PFKP: variants seen among roughly 807,000 people sequenced by gnomAD.
PFKP encodes phosphofructokinase, platelet, also known as ATP-dependent 6-phosphofructokinase, platelet type.
In PFKP, 101 loss-of-function variants were observed where a neutral mutation model predicts 94.3. That is an observed-to-expected ratio of 1.07 (90% CI 0.91 to 1.26). The LOEUF is 1.26. PFKP is among the 50% of genes most tolerant of loss of function. The pLI, the probability that PFKP is intolerant of heterozygous loss-of-function variation, is 0.00. For missense variants in PFKP, 1,145 were observed against 1,103.3 expected, an observed-to-expected ratio of 1.04 and a Z score of -0.53; for synonymous variants, 573 against 432.6, an observed-to-expected ratio of 1.32 and a Z score of -4.03.
At position 3,134,739 on chromosome 10, in the gene PFKP, T is replaced by C. The variant is rs570948490; in HGVS notation, c.2122+157T>C. On this transcript the variant is annotated intron_variant, in intron 20 of 21. Transcript: ENST00000381125. ...TTTACTCCTGATCTCTGAGTGTTGC[T>C]ATTTAACCAACCTTGGATTCCTGGG... 2.0e-5 allele frequency among the ~76,000 whole-genome samples: 3 copies of C among 152,388 alleles called. No homozygotes were observed. The East Asian group carries it at 5.8e-4, about 29-fold the overall frequency.
intron 5 of PFKP, 63 bp downstream of exon 5, chr10:3,104,007 T>C (rs913079665): frequency 4.4e-5 from 65 of 1,492,760 alleles, no homozygotes; most frequent in Non-Finnish European, 5.7e-5. Context: ...AGCTCAGACG[T>C]TACCACGGGC....
Position 3,105,483 on chromosome 10 carries a change from G to T in PFKP, c.756G>T (p.Met252Ile). The change falls in exon 7 of 22, where the codon ATG becomes ATT. Residue 252 changes from methionine (M) to isoleucine (I), a missense_variant. Met to Ile is a conservative substitution (Grantham distance 10). This residue lies in a region of PFKP where 1,119 missense variants were observed against 1,062.8 expected (regional missense o/e 1.05). Transcript: ENST00000381125. ...SPPEEGWEEQ[M>I]CVKLSENRAR... ...CAGAGGAAGGCTGGGAGGAGCAGAT[G>T]TGTGTCAAACTCTCGGAGGTAATGC... The T allele has an allele frequency of 5.0e-6, 8 of 1,613,372 alleles. No individual in the cohort carries two copies. The highest frequency in any genetic ancestry group is 6.8e-6 in the Non-Finnish European group (8 of 1,179,352).
chr10:3,103,906 C>T lies in PFKP; in HGVS notation c.582C>T (p.Ile194=), dbSNP rs376665273. 1.2e-6 allele frequency: 2 copies of T among 1,613,760 alleles called. No homozygotes were observed. Among genetic ancestry groups the T allele is most frequent in the African/African-American group, 2.7e-5 (2 of 74,948 alleles). The change falls in exon 5 of 22, where the codon ATC becomes ATT. Residue 194 remains isoleucine (I), a synonymous_variant. Coordinates refer to ENST00000381125, the MANE Select transcript of PFKP (RefSeq NM_002627.5). ...TIGTDSALHR[I]IEVVDAIMTT... is the part of the protein sequence containing the mutation. The stretch of plus-strand genomic sequence containing the variant: ...GCACGGACTCCGCCCTGCACAGGAT[C>T]ATCGAGGTCGTCGACGCCATCATGA...
Position 3,121,813 on chromosome 10 carries a change from TTTTTTTTTTTTTTTTTTC to T in PFKP, c.1683+1777_1683+1794del, listed in dbSNP as rs1258215112. Among the ~76,000 whole-genome samples, 49 of 95,710 alleles carry T rather than the reference TTTTTTTTTTTTTTTTTTC, an allele frequency of 5.1e-4. 1 individual carries two copies. Among genetic ancestry groups the T allele is most frequent in the Admixed American group, 1.4e-3 (12 of 8,286 alleles). 62.8% of individuals were successfully genotyped at this position (95,710 alleles called of 152,430 possible). On this transcript the variant is annotated intron_variant, in intron 16 of 21. Transcript: ENST00000381125. ...AATTTCTTTTTTTTTCTTTTTTTTTTTTTTTTTTTTTTTTTTTCTTTTTTTGGAGACAGGGCCTCACTC... is the reference window on the plus strand; with the variant it reads ...AATTTCTTTTTTTTTCTTTTTTTTTTTTTTTTTGGAGACAGGGCCTCACTC...
chr10:3,093,431 T>G (rs939724660), intron 2 of PFKP, among the ~76,000 whole-genome samples: 15 of 152,158 alleles, frequency 9.9e-5, no homozygotes, highest in African/African-American at 3.6e-4. Context: ...GTTTCTTACG[T>G]GTAGCTGTTC....
chr10:3,133,323 G>A lies in PFKP; in HGVS notation c.2022+9G>A, dbSNP rs374121824. The A allele has an allele frequency of 6.2e-5, 96 of 1,539,078 alleles. No individual in the cohort carries two copies. Among genetic ancestry groups the A allele is most frequent in the African/African-American group, 4.1e-5 (3 of 73,428 alleles). ...TGGGTCACATGCAGCAGGTAGGCCC[G>A]AGACTGCATGAGGGGCCACAAAGCC... On this transcript the variant is annotated intron_variant, in intron 19 of 21. Transcript: ENST00000381125.
chr10:3,106,600 C>A lies in PFKP; in HGVS notation c.775-614C>A, dbSNP rs1454322737. ...GCCGCCCTGCTCCTTCACCCCTGCC[C>A]CTCTCCTCACCCCTGCCACTGCCCC... On this transcript the variant is annotated intron_variant, in intron 7 of 21. Coordinates refer to ENST00000381125, the MANE Select transcript of PFKP (RefSeq NM_002627.5). Among the ~76,000 whole-genome samples, 5 of 107,382 alleles carry A rather than the reference C, an allele frequency of 4.7e-5. No homozygotes were observed. In the South Asian group the frequency reaches 1.0e-3, roughly 22 times the overall value. 70.4% of individuals were successfully genotyped at this position (107,382 alleles called of 152,430 possible). A position where few individuals can be genotyped will look rare whatever the true frequency, so the allele number is the denominator to read the frequency against.
intron 2 of PFKP, among the ~76,000 whole-genome samples, chr10:3,092,089 AC>A (rs1204686159): frequency 6.6e-6 from 1 of 151,586 alleles, no homozygotes. Context: ...GTGCCACCTG[AC>A]CCCCGCCACC....
Position 3,067,711 on chromosome 10 carries a change from C to A in PFKP, c.112+4C>A. The A allele has an allele frequency of 2.8e-6, 4 of 1,453,178 alleles. No homozygotes were observed. The highest frequency in any genetic ancestry group is 3.7e-6 in the Non-Finnish European group (4 of 1,088,208). 90.0% of individuals were successfully genotyped at this position (1,453,178 alleles called of 1,614,324 possible). Reference sequence around the variant, plus strand: ...ACCAGCGGCGGGGATGCTCAAGGTGCGCGCCCCCCTCCCGGCGGCGAGGGA... The same window carrying A: ...ACCAGCGGCGGGGATGCTCAAGGTGAGCGCCCCCCTCCCGGCGGCGAGGGA... On this transcript the variant is annotated splice_donor_region_variant and intron_variant, in intron 1 of 21. Coordinates refer to ENST00000381125, the MANE Select transcript of PFKP (RefSeq NM_002627.5).
At chr10:3,114,109 CTATT>C (rs1388572762) in intron 13 of PFKP, among the ~76,000 whole-genome samples, 2 of 151,850 alleles carry the variant, frequency 1.3e-5, no homozygotes, top group Non-Finnish European at 2.9e-5. Context: ...GAACTTGTGG[CTATT>C]TGTTTATCTG....
chr10:3,135,523 T>G (rs1839155917), intron 20 of PFKP, among the ~76,000 whole-genome samples: 1 of 152,198 alleles, frequency 6.6e-6, no homozygotes, highest in Non-Finnish European at 1.5e-5. Context: ...AAAAGCTGCT[T>G]TCCAGGAAGC....
At position 3,131,706 on chromosome 10, in the gene PFKP, G is replaced by A. The variant is rs983649546; in HGVS notation, c.1849-674G>A. Among the ~76,000 whole-genome samples, 12 of 152,162 alleles carry A rather than the reference G, an allele frequency of 7.9e-5. No homozygotes were observed. In the East Asian group the frequency reaches 1.7e-3, roughly 22 times the overall value. ...ACTCCTGACCTCAGGCAATCTATCC[G>A]CCTTGGCCTCCCAAAGTGCTGGGAC... On this transcript the variant is annotated intron_variant, in intron 17 of 21. Transcript: ENST00000381125.
Position 3,107,667 on chromosome 10 carries a change from C to T in PFKP, c.870+358C>T, listed in dbSNP as rs547895601. On this transcript the variant is annotated intron_variant, in intron 8 of 21. Transcript: ENST00000381125. ...ACCACTTGGCAGCCGACCCGGGCTT[C>T]TGTTTGCCACAGTGGGAAAAGGCGG... The T allele has an allele frequency of 5.1e-4, 452 of 888,600 alleles. 1 individual carries two copies. The highest frequency in any genetic ancestry group is 5.6e-4 in the Non-Finnish European group (413 of 741,458). The allele number at this position is 888,600 out of a possible 1,614,324, so 55.0% of individuals were successfully genotyped here.
At chr10:3,111,144 CTG>C (rs1287022796) in intron 10 of PFKP, among the ~76,000 whole-genome samples, 4 of 150,296 alleles carry the variant, frequency 2.7e-5, no homozygotes, top group South Asian at 2.1e-4. Context: ...GTGTGCATGT[CTG>C]TGTGTGCATG....
At chr10:3,130,503 A>T (rs7923989) in intron 17 of PFKP, among the ~76,000 whole-genome samples, 1 of 152,006 alleles carries the variant, frequency 6.6e-6, no homozygotes, top group Non-Finnish European at 1.5e-5. Flanking sequence ...ACCCTGCAAC[A>T]TTCAAAGTTG....
intron 21 of PFKP, 91 bp downstream of exon 21, chr10:3,135,929 CAG>C: frequency 1.3e-6 from 1 of 791,888 alleles, no homozygotes; most frequent in Non-Finnish European, 2.2e-6. Context: ...GCAACTCATT[CAG>C]GGGTTTGAGG....
In PFKP at chr10:3,103,908, T is replaced by C; in HGVS notation, c.584T>C (p.Ile195Thr). 6.2e-7 allele frequency: 1 copy of C among 1,613,776 alleles called. No individual in the cohort carries two copies. The change falls in exon 5 of 22, where the codon ATC becomes ACC. Residue 195 changes from isoleucine to threonine, a missense_variant. By Grantham distance (89) the Ile-to-Thr change is moderately conservative. Coordinates refer to ENST00000381125, the MANE Select transcript of PFKP (RefSeq NM_002627.5). ...ACGGACTCCGCCCTGCACAGGATCA[T>C]CGAGGTCGTCGACGCCATCATGACC... ...IGTDSALHRIIEVVDAIMTTA... is the reference protein window; with the variant it reads ...IGTDSALHRITEVVDAIMTTA...
At chr10:3,102,238 G>A (rs1475555579) in intron 4 of PFKP, among the ~76,000 whole-genome samples, 11 of 78,380 alleles carry the variant, frequency 1.4e-4, no homozygotes, top group Admixed American at 6.8e-4. Flanking sequence ...GCGACAGAGC[G>A]AGACTCTGTC....
At position 3,125,011 on chromosome 10, in the gene PFKP, G is replaced by A. The variant is rs892865301; in HGVS notation, c.1684-4808G>A. 2.5e-5 allele frequency: 27 copies of A among 1,061,016 alleles called. No individual in the cohort carries two copies. The East Asian group carries it at 4.1e-4, about 16-fold the overall frequency. The allele number at this position is 1,061,016 out of a possible 1,614,324, so 65.7% of individuals were successfully genotyped here. A position where few individuals can be genotyped will look rare whatever the true frequency, so the allele number is the denominator to read the frequency against. On this transcript the variant is annotated intron_variant, in intron 16 of 21. Transcript: ENST00000381125. The stretch of plus-strand genomic sequence containing the variant: ...TCCCCTGGTGACTCAGTCCCCTCCC[G>A]TCCCTTCCTGGACCTCAGCACAGGC...
Sources: allele counts gnomAD v4.1 joint callset (sites outside exome capture counted in the v4.1 genomes callset), GRCh38; gene constraint gnomAD v4.1.1; regional missense constraint gnomAD v4.1.1; transcripts MANE v1.5; gene names NCBI Gene and HGNC (gene_info 2026-07-23, HGNC 2026-07-21).